CNTNAP2: variants seen among roughly 807,000 people sequenced by gnomAD.
CNTNAP2 encodes the protein contactin associated protein 2.
Under a neutral mutation model 155.2 loss-of-function variants are expected in CNTNAP2, and 98 were observed. The observed-to-expected ratio is 0.63, with a 90% confidence interval of 0.54 to 0.75. CNTNAP2 has a LOEUF of 0.75. CNTNAP2 is among the 30% of genes least tolerant of loss of function. The pLI, the probability that CNTNAP2 is intolerant of heterozygous loss-of-function variation, is 0.00. For missense variants in CNTNAP2, 1,727 were observed against 1,688.1 expected (o/e 1.02, Z -0.40); for synonymous variants, 651 against 631.2 (o/e 1.03, Z -0.47).
At chr7:146,988,290 A>T (rs116806146) in intron 3 of CNTNAP2, among the ~76,000 whole-genome samples, 4,189 of 152,156 alleles carry the variant, frequency 0.028, 182 homozygotes, top group African/African-American at 0.092. Flanking sequence ...AAATCTTAGA[A>T]AACCTGGTTA....
intron 14 of CNTNAP2, among the ~76,000 whole-genome samples, chr7:147,969,692 A>G (rs921091884): frequency 1.3e-5 from 2 of 152,140 alleles, no homozygotes; most frequent in African/African-American, 4.8e-5. Flanking sequence ...AAATAAATAC[A>G]ATAAACTAAA....
chr7:146,178,551 A>G (rs1264031164), intron 1 of CNTNAP2, among the ~76,000 whole-genome samples: 2 of 152,172 alleles, frequency 1.3e-5, no homozygotes, highest in East Asian at 1.9e-4. Flanking sequence ...AATCCTTTCT[A>G]TCTATACAAG....
At chr7:147,073,232 A>T (rs187254955) in intron 4 of CNTNAP2, among the ~76,000 whole-genome samples, 1 of 146,964 alleles carries the variant, frequency 6.8e-6, no homozygotes, top group Non-Finnish European at 1.5e-5. Context: ...ATGTAGCCAT[A>T]AAAAGAATGA....
chr7:146,152,163 C>A (rs554945174), intron 1 of CNTNAP2, among the ~76,000 whole-genome samples: 8 of 151,952 alleles, frequency 5.3e-5, no homozygotes, highest in African/African-American at 1.9e-4. Flanking sequence ...TGTATATACA[C>A]AATGGAATAC....
chr7:146,399,827 C>G (rs1480837099), intron 1 of CNTNAP2, among the ~76,000 whole-genome samples: 1 of 152,164 alleles, frequency 6.6e-6, no homozygotes, highest in Non-Finnish European at 1.5e-5. Context: ...ATTCTTGCAA[C>G]TCTTGTTTTC....
chr7:146,198,224 A>G (rs906142597), intron 1 of CNTNAP2, among the ~76,000 whole-genome samples: 3 of 152,260 alleles, frequency 2.0e-5, no homozygotes, highest in Admixed American at 2.0e-4. Context: ...CAATTCAGAA[A>G]TATACCCCAT....
At chr7:148,135,243 A>T (rs976726697) in intron 16 of CNTNAP2, among the ~76,000 whole-genome samples, 1 of 152,196 alleles carries the variant, frequency 6.6e-6, no homozygotes, top group African/African-American at 2.4e-5. Flanking sequence ...GAGGTTTGTT[A>T]TATTACCATT....
chr7:146,702,406 G>T (rs966482574), intron 1 of CNTNAP2, among the ~76,000 whole-genome samples: 6 of 152,098 alleles, frequency 3.9e-5, no homozygotes, highest in Non-Finnish European at 7.4e-5. Context: ...AAAGGGCAGA[G>T]AATTGTGAAA....
chr7:146,672,587 G>A (rs967951804), intron 1 of CNTNAP2, among the ~76,000 whole-genome samples: 13 of 152,054 alleles, frequency 8.5e-5, no homozygotes, highest in African/African-American at 2.9e-4. Flanking sequence ...ATGGGAACAC[G>A]GGTTATCCTC....
intron 3 of CNTNAP2, among the ~76,000 whole-genome samples, chr7:147,008,459 G>A (rs925379865): frequency 4.6e-5 from 7 of 151,892 alleles, no homozygotes; most frequent in Admixed American, 1.3e-4. Flanking sequence ...TTTAGGAAAT[G>A]GAAAAAATAT....
intron 22 of CNTNAP2, among the ~76,000 whole-genome samples, chr7:148,408,975 A>G (rs113201470): frequency 8.5e-4 from 130 of 152,348 alleles, no homozygotes; most frequent in African/African-American, 3.0e-3. Context: ...AAACTTTTTA[A>G]TACTGTAGCT....
At chr7:146,410,794 A>C (rs1345624318) in intron 1 of CNTNAP2, among the ~76,000 whole-genome samples, 4 of 152,012 alleles carry the variant, frequency 2.6e-5, no homozygotes, top group African/African-American at 9.7e-5. Flanking sequence ...GCTCCAAAAA[A>C]CCACCATTCT....
chr7:147,100,548 G>A (rs1466912823), intron 4 of CNTNAP2, among the ~76,000 whole-genome samples: 2 of 152,166 alleles, frequency 1.3e-5, no homozygotes, highest in Non-Finnish European at 2.9e-5. Flanking sequence ...GGAGTTCAAT[G>A]TTTTGGCCTT....
chr7:147,516,618 A>ATGCGTG (rs541557161), intron 11 of CNTNAP2, among the ~76,000 whole-genome samples: 7 of 149,828 alleles, frequency 4.7e-5, no homozygotes, highest in African/African-American at 1.7e-4. Flanking sequence ...GAGAGAGAGA[A>ATGCGTG]TGTGTGTGTG....
chr7:147,687,613 G>A (rs1208192928), intron 13 of CNTNAP2, among the ~76,000 whole-genome samples: 3 of 152,106 alleles, frequency 2.0e-5, no homozygotes, highest in Admixed American at 1.3e-4. Flanking sequence ...TGTTTTTCTA[G>A]AGCCATATTT....
chr7:146,667,118 G>A (rs901071393), intron 1 of CNTNAP2, among the ~76,000 whole-genome samples: 2 of 152,044 alleles, frequency 1.3e-5, no homozygotes, highest in East Asian at 3.9e-4. Flanking sequence ...ATAATTTCAG[G>A]TCTTATATCT....
chr7:146,895,203 CTTCCTTCCTTCCTT>C (rs1041874503), intron 3 of CNTNAP2, among the ~76,000 whole-genome samples: 4 of 151,020 alleles, frequency 2.6e-5, no homozygotes, highest in Admixed American at 1.3e-4. Context: ...ACATCCTTCC[CTTCCTTCCTTCCTT>C]TTCCTTCCTT....
Position 147,111,342 on chromosome 7 carries a change from C to T in CNTNAP2, c.754+2992C>T, listed in dbSNP as rs1200800578. Among the ~76,000 whole-genome samples the T allele has an allele frequency of 4.6e-5, 7 of 152,286 alleles. No individual in the cohort carries two copies. The East Asian group carries it at 1.2e-3, about 25-fold the overall frequency. On this transcript the variant is annotated intron_variant, in intron 5 of 23. Coordinates refer to ENST00000361727, the MANE Select transcript of CNTNAP2 (RefSeq NM_014141.6). ...TGTCTGTTCACTCTGATGACAGTTT[C>T]TTTTACTGTGCAGAAGCACTTCAGT...
intron 8 of CNTNAP2, among the ~76,000 whole-genome samples, chr7:147,153,490 A>T (rs1441610536): frequency 6.6e-6 from 1 of 152,142 alleles, no homozygotes; most frequent in Non-Finnish European, 1.5e-5. Context: ...AACCCATTTC[A>T]AACAGATGAG....
Sources: gnomAD v4.1 joint callset for allele counts (sites outside exome capture counted in the v4.1 genomes callset) on GRCh38, gnomAD v4.1.1 for gene constraint, MANE v1.5 for transcripts, NCBI Gene and HGNC (gene_info 2026-07-23, HGNC 2026-07-21) for gene names.